Variants in PCSK2 observed in about 807,000 individuals in gnomAD.
The protein encoded by PCSK2 is proprotein convertase subtilisin/kexin type 2, also known as neuroendocrine convertase 2.
Under a neutral mutation model 69.7 loss-of-function variants are expected in PCSK2, and 14 were observed. The observed-to-expected ratio is 0.20, with a 90% CI of 0.13 to 0.31. PCSK2 has a LOEUF of 0.31. PCSK2 is among the 10% of genes least tolerant of loss of function. The pLI is 1.00. For synonymous variants in PCSK2, 307 were observed against 320.7 expected (o/e 0.96, Z 0.46); for missense variants, 544 against 842.5 (o/e 0.65, Z 4.39).
intron 2 of PCSK2, among the ~76,000 whole-genome samples, chr20:17,268,733 T>C (rs1298444303): frequency 1.3e-5 from 2 of 152,134 alleles, no homozygotes; most frequent in Non-Finnish European, 2.9e-5. Flanking sequence ...CTTCTGTGCC[T>C]ATGGGCAAAT....
chr20:17,230,412 C>T (rs151324566), intron 1 of PCSK2, among the ~76,000 whole-genome samples: 2 of 152,126 alleles, frequency 1.3e-5, no homozygotes, highest in African/African-American at 4.8e-5. Flanking sequence ...ACCTTAAGGC[C>T]TTGAGAAGTT....
At chr20:17,402,963 A>AAAAAG (rs1240769098) in intron 5 of PCSK2, among the ~76,000 whole-genome samples, 1 of 152,204 alleles carries the variant, frequency 6.6e-6, no homozygotes, top group Admixed American at 6.5e-5. Flanking sequence ...TCTCAAAAAA[A>AAAAAG]AAAAGAAAAG....
At chr20:17,340,563 G>T (rs1354978706) in intron 2 of PCSK2, among the ~76,000 whole-genome samples, 2 of 152,060 alleles carry the variant, frequency 1.3e-5, no homozygotes, top group African/African-American at 4.8e-5. Context: ...TGTTTAAAAA[G>T]GTAAAATTCT....
chr20:17,466,993 C>T (rs1296977230), intron 11 of PCSK2, among the ~76,000 whole-genome samples: 1 of 152,200 alleles, frequency 6.6e-6, no homozygotes, highest in Non-Finnish European at 1.5e-5. Flanking sequence ...GAGAATACAC[C>T]TCCGTGGCTT....
At chr20:17,265,949 C>T (rs774708222) in intron 2 of PCSK2, among the ~76,000 whole-genome samples, 1 of 152,152 alleles carries the variant, frequency 6.6e-6, no homozygotes, top group Non-Finnish European at 1.5e-5. Context: ...TGACTCCTCT[C>T]AATACGAAGT....
chr20:17,301,182 G>A (rs1989069538), intron 2 of PCSK2, among the ~76,000 whole-genome samples: 1 of 152,138 alleles, frequency 6.6e-6, no homozygotes, highest in Non-Finnish European at 1.5e-5. Context: ...AGAAATTTGG[G>A]AATGTGAACT....
chr20:17,393,034 A>G (rs981054744), intron 5 of PCSK2, among the ~76,000 whole-genome samples: 7 of 152,188 alleles, frequency 4.6e-5, no homozygotes, highest in African/African-American at 1.7e-4. Flanking sequence ...CCTGGAGTTC[A>G]GAATGCTTTA....
At chr20:17,458,767 T>A (rs541173345) in intron 10 of PCSK2, among the ~76,000 whole-genome samples, 1 of 152,332 alleles carries the variant, frequency 6.6e-6, no homozygotes, top group Admixed American at 6.5e-5. Flanking sequence ...TCCTAACCAG[T>A]TGTCACTTTG....
chr20:17,331,285 T>C (rs1568606174), intron 2 of PCSK2, among the ~76,000 whole-genome samples: 1 of 152,198 alleles, frequency 6.6e-6, no homozygotes, highest in African/African-American at 2.4e-5. Context: ...TTGGACATTA[T>C]TAGATTCTCA....
chr20:17,304,136 T>C (rs1189444391), intron 2 of PCSK2, among the ~76,000 whole-genome samples: 1 of 151,986 alleles, frequency 6.6e-6, no homozygotes, highest in Non-Finnish European at 1.5e-5. Context: ...CATAACAATT[T>C]CTTAAGGTGG....
At chr20:17,346,693 T>C (rs1290296507) in intron 2 of PCSK2, among the ~76,000 whole-genome samples, 1 of 152,196 alleles carries the variant, frequency 6.6e-6, no homozygotes, top group Non-Finnish European at 1.5e-5. Flanking sequence ...AATTGTCCTG[T>C]CAAGTACACC....
intron 2 of PCSK2, among the ~76,000 whole-genome samples, chr20:17,336,505 CT>C (rs1361814178): frequency 6.6e-6 from 1 of 152,042 alleles, no homozygotes. Flanking sequence ...TCTTTTCTAC[CT>C]TTTTGAAAGT....
intron 5 of PCSK2, among the ~76,000 whole-genome samples, chr20:17,403,988 T>C (rs974840020): frequency 1.3e-5 from 2 of 152,190 alleles, no homozygotes; most frequent in African/African-American, 4.8e-5. Flanking sequence ...AACAGCACCC[T>C]GTCTATGGGC....
chr20:17,330,074 C>A (rs891708247), intron 2 of PCSK2, among the ~76,000 whole-genome samples: 1 of 152,100 alleles, frequency 6.6e-6, no homozygotes, highest in Non-Finnish European at 1.5e-5. Flanking sequence ...AAAATATTAT[C>A]ATTTCAACAT....
intron 2 of PCSK2, among the ~76,000 whole-genome samples, chr20:17,269,389 A>G (rs576204028): frequency 1.3e-5 from 2 of 152,258 alleles, no homozygotes; most frequent in African/African-American, 4.8e-5. Context: ...TAATCTAGAA[A>G]CAGGATCAGA....
rs2033445081 is a variant in PCSK2 at position 17,483,408 on chromosome 20, A to G, written c.*1338A>G. 1.3e-5 allele frequency: 2 copies of G among 151,956 alleles called. No homozygotes were observed. Among genetic ancestry groups the G allele is most frequent in the African/African-American group, 4.8e-5 (2 of 41,332 alleles). 9.4% of individuals were successfully genotyped at this position (151,956 alleles called of 1,614,324 possible). A position where few individuals can be genotyped will look rare whatever the true frequency, so the allele number is the denominator to read the frequency against. The stretch of plus-strand genomic sequence containing the variant: ...GTTATGGTCAATCCCAAAAGTCACC[A>G]CTCCATTCCCAACTAGACATTACCA... On this transcript the variant is annotated 3_prime_UTR_variant, in exon 12 of 12. Coordinates refer to ENST00000262545, the MANE Select transcript of PCSK2 (RefSeq NM_002594.5).
In PCSK2 at chr20:17,453,810, C is replaced by T; in HGVS notation, c.954C>T (p.Asn318=). The part of the protein sequence containing the change: ...SGDGGSYDDC[N]CDGYASSMWT... ...ACGGCGGCAGCTATGACGACTGCAA[C>T]TGCGACGGCTACGCCTCCAGCATGT... Residue 318 remains asparagine (N), a synonymous_variant, in exon 9 of 12, where the codon AAC becomes AAT. Coordinates refer to ENST00000262545, the MANE Select transcript of PCSK2 (RefSeq NM_002594.5). This position sits in a 1 kb window ranked among gnomAD's most constrained non-coding sequence, Gnocchi z 4.0. The T allele has an allele frequency of 6.2e-7, 1 of 1,614,208 alleles. No individual in the cohort carries two copies. Among genetic ancestry groups the T allele is most frequent in the South Asian group, 1.1e-5 (1 of 91,086 alleles).
chr20:17,419,616 T>C (rs758495026), intron 6 of PCSK2, among the ~76,000 whole-genome samples: 8 of 152,168 alleles, frequency 5.3e-5, no homozygotes, highest in Non-Finnish European at 1.2e-4. Flanking sequence ...GATAGATGAG[T>C]GGCATACCTT....
chr20:17,351,971 T>A (rs983472125), intron 2 of PCSK2, among the ~76,000 whole-genome samples: 2 of 152,090 alleles, frequency 1.3e-5, no homozygotes, highest in Non-Finnish European at 2.9e-5. Context: ...ACCAAAAGGC[T>A]CCTAGAACTA....
Sources: gnomAD v4.1 joint callset for allele counts (sites outside exome capture counted in the v4.1 genomes callset) on GRCh38, gnomAD v4.1.1 for gene constraint, Gnocchi (gnomAD v3.1) non-coding constraint, MANE v1.5 for transcripts, NCBI Gene and HGNC (gene_info 2026-07-23, HGNC 2026-07-21) for gene names.